The following CNTNAP5 variants were observed in gnomAD, a reference collection of about 807,000 sequenced individuals.
CNTNAP5 encodes contactin associated protein family member 5, also known as contactin-associated protein-like 5.
A neutral mutation model predicts 150.2 loss-of-function variants in CNTNAP5; 72 were observed. That is an observed-to-expected ratio of 0.48 (90% CI 0.40 to 0.58). The LOEUF (loss-of-function observed/expected upper bound fraction) is 0.58. Among genes scored for constraint, CNTNAP5 ranks in the 20% least tolerant of loss-of-function variants. The pLI, the probability that CNTNAP5 is intolerant of heterozygous loss-of-function variation, is 0.00. For missense variants in CNTNAP5, 1,636 were observed against 1,626.2 expected, an observed-to-expected ratio of 1.01 and a Z score of -0.10; for synonymous variants, 672 against 619.8, an observed-to-expected ratio of 1.08 and a Z score of -1.25.
intron 3 of CNTNAP5, among the ~76,000 whole-genome samples, chr2:124,290,936 G>A (rs1415141331): frequency 1.3e-5 from 2 of 151,442 alleles, no homozygotes; most frequent in African/African-American, 4.9e-5. Flanking sequence ...GATAATTGTA[G>A]ATGTTCCTCA....
chr2:124,094,788 G>C (rs1682896880), intron 1 of CNTNAP5, among the ~76,000 whole-genome samples: 1 of 152,138 alleles, frequency 6.6e-6, no homozygotes, highest in African/African-American at 2.4e-5. Flanking sequence ...TTTTGGGTGA[G>C]ATGGGCACCA....
chr2:124,123,997 TCTC>T (rs1370881539), intron 1 of CNTNAP5, among the ~76,000 whole-genome samples: 1 of 151,936 alleles, frequency 6.6e-6, no homozygotes, highest in Non-Finnish European at 1.5e-5. Flanking sequence ...TCAGAGCACC[TCTC>T]CTCCTCCAAA....
chr2:124,857,637 C>T (rs1028289008), intron 19 of CNTNAP5, among the ~76,000 whole-genome samples: 1 of 151,380 alleles, frequency 6.6e-6, no homozygotes, highest in Non-Finnish European at 1.5e-5. Context: ...TCCAGCCTGA[C>T]CAACATGATG....
At chr2:124,447,191 CA>C (rs138621162) in intron 6 of CNTNAP5, among the ~76,000 whole-genome samples, 19,095 of 125,146 alleles carry the variant, frequency 0.15, 1,582 homozygotes, top group Non-Finnish European at 0.21. Flanking sequence ...GTTTCCTTCT[CA>C]TTTTTTTTTT....
At chr2:124,774,211 TTTA>T (rs1402004564) in intron 17 of CNTNAP5, among the ~76,000 whole-genome samples, 1 of 151,824 alleles carries the variant, frequency 6.6e-6, no homozygotes, top group African/African-American at 2.4e-5. Flanking sequence ...TTTTTGTTTA[TTTA>T]TTTTTTTTTT....
At chr2:124,228,955 C>A (rs761274755) in intron 2 of CNTNAP5, among the ~76,000 whole-genome samples, 3 of 152,148 alleles carry the variant, frequency 2.0e-5, no homozygotes, top group Non-Finnish European at 4.4e-5. Context: ...CACTGATGAG[C>A]TCCCCTGCAA....
intron 13 of CNTNAP5, among the ~76,000 whole-genome samples, chr2:124,664,216 G>A (rs1002039823): frequency 6.6e-6 from 1 of 151,812 alleles, no homozygotes; most frequent in South Asian, 2.1e-4. Flanking sequence ...CCAGCACTTC[G>A]GGAGGCTGAG....
chr2:124,255,849 C>T (rs144358321), intron 3 of CNTNAP5, among the ~76,000 whole-genome samples: 64 of 152,166 alleles, frequency 4.2e-4, no homozygotes, highest in African/African-American at 1.1e-3. Context: ...TCCAGATGCA[C>T]GTATGCAGCC....
At chr2:124,662,879 C>A (rs1239441314) in intron 13 of CNTNAP5, among the ~76,000 whole-genome samples, 1 of 152,146 alleles carries the variant, frequency 6.6e-6, no homozygotes, top group Middle Eastern at 3.2e-3. Flanking sequence ...ATGCACTTTA[C>A]ATGTTTTTTC....
chr2:124,857,938 A>T (rs1338519412), intron 19 of CNTNAP5, among the ~76,000 whole-genome samples: 1 of 152,222 alleles, frequency 6.6e-6, no homozygotes, highest in African/African-American at 2.4e-5. Context: ...GACTTAATAA[A>T]AATAAGTACT....
chr2:124,336,833 A>C (rs547899026), intron 3 of CNTNAP5, among the ~76,000 whole-genome samples: 6 of 152,124 alleles, frequency 3.9e-5, no homozygotes, highest in Non-Finnish European at 8.8e-5. Flanking sequence ...CGCAATAAAC[A>C]TACTGGTGTG....
chr2:124,791,737 T>C lies in CNTNAP5; in HGVS notation c.2992+1596T>C, dbSNP rs965145837. On this transcript the variant is annotated intron_variant, in intron 18 of 23. Coordinates refer to ENST00000682447, the MANE Select transcript of CNTNAP5 (RefSeq NM_001367498.1). ...TGGCTCCTTTCTCCAAAACCATTCA[T>C]ACTAATTTTCTTCTGTCCACGGCCC... 9.9e-4 allele frequency among the ~76,000 whole-genome samples: 145 copies of C among 146,714 alleles called. 1 individual carries two copies. Among genetic ancestry groups the C allele is most frequent in the African/African-American group, 3.4e-3 (135 of 39,424 alleles).
intron 3 of CNTNAP5, among the ~76,000 whole-genome samples, chr2:124,301,135 C>A (rs931449419): frequency 7.9e-5 from 12 of 152,180 alleles, no homozygotes; most frequent in African/African-American, 2.9e-4. Context: ...AGATGTTGAT[C>A]TGTAATTGCT....
At chr2:124,095,704 A>C (rs112448068) in intron 1 of CNTNAP5, among the ~76,000 whole-genome samples, 6,639 of 152,206 alleles carry the variant, frequency 0.044, 206 homozygotes, top group Non-Finnish European at 0.066. Flanking sequence ...CATGGAGGTC[A>C]GTGTCATATT....
At chr2:124,634,423 G>A (rs188973232) in intron 12 of CNTNAP5, among the ~76,000 whole-genome samples, 2 of 152,256 alleles carry the variant, frequency 1.3e-5, no homozygotes, top group Admixed American at 6.5e-5. Flanking sequence ...CTAAAGCATA[G>A]TAAAAGTGAC....
At chr2:124,675,533 A>T (rs1047600425) in intron 13 of CNTNAP5, among the ~76,000 whole-genome samples, 3 of 152,094 alleles carry the variant, frequency 2.0e-5, no homozygotes, top group Admixed American at 1.3e-4. Flanking sequence ...CAATTTGGTT[A>T]TCCTGGGAAT....
chr2:124,250,300 G>A (rs2104778623), intron 3 of CNTNAP5, among the ~76,000 whole-genome samples: 1 of 152,244 alleles, frequency 6.6e-6, no homozygotes, highest in East Asian at 1.9e-4. Context: ...TGCTGCTGGT[G>A]CTCCTGGTTG....
At chr2:124,740,902 A>G (rs1181026942) in intron 13 of CNTNAP5, among the ~76,000 whole-genome samples, 1 of 151,872 alleles carries the variant, frequency 6.6e-6, no homozygotes, top group African/African-American at 2.4e-5. Context: ...GGAAACATGC[A>G]TGCCTCTTGA....
chr2:124,411,507 G>T (rs1315806133), intron 3 of CNTNAP5, among the ~76,000 whole-genome samples: 2 of 148,460 alleles, frequency 1.3e-5, no homozygotes, highest in African/African-American at 4.9e-5. Context: ...GAATCCAGCA[G>T]CACATCAAAA....
Sources: gnomAD v4.1 joint callset for allele counts (sites outside exome capture counted in the v4.1 genomes callset) on GRCh38, gnomAD v4.1.1 for gene constraint, MANE v1.5 for transcripts, NCBI Gene and HGNC (gene_info 2026-07-23, HGNC 2026-07-21) for gene names.